RGS7: variants seen among roughly 807,000 people sequenced by gnomAD.
RGS7 encodes regulator of G-protein signaling 7.
RGS7 carries 27 observed loss-of-function variants against 81.1 expected under a neutral mutation model. The ratio of observed to expected loss-of-function variants is 0.33; its 90% CI spans 0.25 to 0.46. The LOEUF (loss-of-function observed/expected upper bound fraction) is 0.46. RGS7 is among the 20% of genes least tolerant of loss of function. RGS7 has a pLI of 1.00. For missense variants in RGS7, 396 were observed against 607.4 expected (o/e 0.65, Z 3.66); for synonymous variants, 208 against 207.7 (o/e 1.00, Z -0.01).
intron 2 of RGS7, among the ~76,000 whole-genome samples, chr1:241,315,097 T>C (rs566842611): frequency 4.6e-4 from 62 of 133,482 alleles, no homozygotes; most frequent in Non-Finnish European, 3.1e-4. Flanking sequence ...TTTTTTTTTT[T>C]CTTCTTCTTC....
chr1:240,917,156 G>C (rs1021210230), intron 6 of RGS7, among the ~76,000 whole-genome samples: 5 of 152,166 alleles, frequency 3.3e-5, no homozygotes, highest in Admixed American at 1.3e-4. Context: ...TCTGTATCTT[G>C]TGGAATTATC....
chr1:240,812,166 AT>A, intron 13 of RGS7, 123 bp from the exon 14 acceptor site: 8 of 985,684 alleles, frequency 8.1e-6, no homozygotes, highest in Admixed American at 1.9e-5. Flanking sequence ...TTCTTTAAAA[AT>A]ATATATATCC....
intron 2 of RGS7, among the ~76,000 whole-genome samples, chr1:241,302,922 G>A (rs982431025): frequency 6.6e-6 from 1 of 151,640 alleles, no homozygotes; most frequent in African/African-American, 2.4e-5. Flanking sequence ...TATCACGTCC[G>A]GTAGCGGTTA....
intron 3 of RGS7, among the ~76,000 whole-genome samples, chr1:241,011,191 T>C (rs897777920): frequency 6.6e-6 from 1 of 152,204 alleles, no homozygotes; most frequent in Non-Finnish European, 1.5e-5. Flanking sequence ...TTAAAAAAGT[T>C]CTTGTGGTTG....
intron 9 of RGS7, among the ~76,000 whole-genome samples, chr1:240,829,355 C>G (rs1693398345): frequency 6.6e-6 from 1 of 152,096 alleles, no homozygotes; most frequent in Non-Finnish European, 1.5e-5. Context: ...TCACTAAACT[C>G]TCCCAGCATC....
chr1:240,870,513 C>T (rs192899229), intron 6 of RGS7, among the ~76,000 whole-genome samples: 16 of 152,012 alleles, frequency 1.1e-4, no homozygotes, highest in Middle Eastern at 3.4e-3. Flanking sequence ...CTAATTTTAT[C>T]GTTATTATTA....
chr1:241,073,467 G>A (rs2062601167), intron 3 of RGS7, among the ~76,000 whole-genome samples: 2 of 152,140 alleles, frequency 1.3e-5, no homozygotes, highest in African/African-American at 2.4e-5. Context: ...TGTACACTTT[G>A]GCTACAAAGT....
At chr1:240,911,833 T>C (rs1214260484) in intron 6 of RGS7, among the ~76,000 whole-genome samples, 6 of 152,028 alleles carry the variant, frequency 3.9e-5, no homozygotes, top group Non-Finnish European at 5.9e-5. Context: ...TTGTAGAGTA[T>C]GGCTTACTGT....
chr1:241,348,453 C>T (rs2083042872), intron 2 of RGS7, among the ~76,000 whole-genome samples: 1 of 152,162 alleles, frequency 6.6e-6, no homozygotes, highest in Middle Eastern at 3.2e-3. Flanking sequence ...AACCAGGATG[C>T]TGATTATTCA....
chr1:241,344,830 G>T (rs2082783569), intron 2 of RGS7, among the ~76,000 whole-genome samples: 1 of 152,216 alleles, frequency 6.6e-6, no homozygotes, highest in African/African-American at 2.4e-5. Flanking sequence ...TTCATTTACT[G>T]AGCACCTACT....
At chr1:240,886,190 G>C (rs1054270736) in intron 6 of RGS7, among the ~76,000 whole-genome samples, 1 of 152,114 alleles carries the variant, frequency 6.6e-6, no homozygotes, top group African/African-American at 2.4e-5. Context: ...CATAATACTA[G>C]GTCAAGGGTT....
intron 9 of RGS7, among the ~76,000 whole-genome samples, chr1:240,860,221 C>T (rs564576316): frequency 1.1e-4 from 17 of 152,230 alleles, no homozygotes; most frequent in African/African-American, 3.1e-4. Context: ...AGTTGATTGA[C>T]GGTGAACTTC....
intron 2 of RGS7, among the ~76,000 whole-genome samples, chr1:241,206,933 T>G (rs12750878): frequency 0.13 from 18,981 of 145,390 alleles, 1,369 homozygotes; most frequent in Admixed American, 0.18. Context: ...CCTCTCTCTC[T>G]CCTTTTCTTC....
intron 2 of RGS7, among the ~76,000 whole-genome samples, chr1:241,270,649 A>C (rs1375006940): frequency 6.6e-6 from 1 of 152,084 alleles, no homozygotes; most frequent in Non-Finnish European, 1.5e-5. Context: ...AGCTCTAGTA[A>C]GTTTTCTTTT....
At chr1:241,203,301 C>T (rs2073652204) in intron 2 of RGS7, among the ~76,000 whole-genome samples, 1 of 152,046 alleles carries the variant, frequency 6.6e-6, no homozygotes, top group African/African-American at 2.4e-5. Context: ...AGCGTGATCT[C>T]GGCTCACTGC....
At chr1:241,293,862 C>T (rs190839687) in intron 2 of RGS7, among the ~76,000 whole-genome samples, 3 of 152,224 alleles carry the variant, frequency 2.0e-5, no homozygotes, top group East Asian at 1.9e-4. Context: ...ATTAGTTCAA[C>T]CATTGTGGAA....
chr1:241,109,121 C>A (rs890204874), intron 2 of RGS7, among the ~76,000 whole-genome samples: 1 of 152,092 alleles, frequency 6.6e-6, no homozygotes, highest in Admixed American at 6.5e-5. Flanking sequence ...TTTCTGTAAG[C>A]GAAATGACCA....
At chr1:241,273,717 C>A (rs868402676) in intron 2 of RGS7, among the ~76,000 whole-genome samples, 8 of 152,154 alleles carry the variant, frequency 5.3e-5, no homozygotes, top group Non-Finnish European at 1.0e-4. Context: ...GCCTAAAGTG[C>A]CTCAAAGGGA....
chr1:240,791,698 G>T (rs1269170547), intron 18 of RGS7, among the ~76,000 whole-genome samples: 1 of 152,132 alleles, frequency 6.6e-6, no homozygotes, highest in Non-Finnish European at 1.5e-5. Context: ...ATGACCCAGG[G>T]CTGTCTAGTA....
Sources: allele counts gnomAD v4.1 joint callset (sites outside exome capture counted in the v4.1 genomes callset), GRCh38; gene constraint gnomAD v4.1.1; transcripts MANE v1.5; gene names NCBI Gene and HGNC (gene_info 2026-07-23, HGNC 2026-07-21).